The following SYTL5 variants were observed in gnomAD, a reference collection of about 807,000 sequenced individuals.
SYTL5 encodes the protein synaptotagmin like 5, also known as synaptotagmin-like protein 5.
In SYTL5, 34 loss-of-function variants were observed where a neutral mutation model predicts 55.9. That is an observed-to-expected ratio of 0.61 (90% CI 0.46 to 0.81). The LOEUF (loss-of-function observed/expected upper bound fraction) is 0.81. SYTL5 is among the 30% of genes least tolerant of loss of function. The pLI, the probability that SYTL5 is intolerant of heterozygous loss-of-function variation, is 0.00. For synonymous variants in SYTL5, 221 were observed against 188.7 expected (o/e 1.17, Z -1.40); for missense variants, 637 against 546.7 (o/e 1.17, Z -1.65).
intron 13 of SYTL5, among the ~76,000 whole-genome samples, chrX:38,113,254 T>A (rs999069524): frequency 8.9e-6 from 1 of 112,428 alleles, no homozygotes; most frequent in Admixed American, 9.4e-5. Flanking sequence ...CAGTATGAAT[T>A]GCCTTTCATG....
chrX:38,008,646 C>A (rs1211807938), intron 1 of SYTL5, among the ~76,000 whole-genome samples: 2 of 110,455 alleles, frequency 1.8e-5, no homozygotes, highest in African/African-American at 6.5e-5. Context: ...TTAACAAAAA[C>A]ATTTCTCTAA....
intron 2 of SYTL5, among the ~76,000 whole-genome samples, chrX:38,038,912 C>G (rs2208109): frequency 0.3 from 32,933 of 111,042 alleles, 6,861 homozygotes; most frequent in African/African-American, 0.74. Context: ...ATGTAGAAGA[C>G]GGAGAAAGCG....
chrX:38,103,912 A>T (rs926115070), intron 10 of SYTL5, among the ~76,000 whole-genome samples: 1 of 111,952 alleles, frequency 8.9e-6, no homozygotes, highest in African/African-American at 3.2e-5. Context: ...AGCCATTTGT[A>T]AAAAAATGCT....
At chrX:37,975,126 C>T in the SYTL5 span, among the ~76,000 whole-genome samples, 22 of 112,322 alleles carry the variant, frequency 2.0e-4, no homozygotes, top group African/African-American at 7.1e-4. Context: ...TAGCAGGTTT[C>T]CGCTTTGGCC....
chrX:37,915,145 CGT>C, the SYTL5 span, among the ~76,000 whole-genome samples: 1 of 111,327 alleles, frequency 9.0e-6, no homozygotes, highest in East Asian at 2.8e-4. Flanking sequence ...CTCCTTGTTT[CGT>C]GTGTGTGTGT....
the SYTL5 span, among the ~76,000 whole-genome samples, chrX:37,921,689 G>A: frequency 2.7e-5 from 3 of 111,633 alleles, no homozygotes; most frequent in East Asian, 5.6e-4. Flanking sequence ...TACTAAATAA[G>A]TATTAACTAC....
intron 6 of SYTL5, among the ~76,000 whole-genome samples, chrX:38,084,449 G>T (rs1936620137): frequency 8.9e-6 from 1 of 112,078 alleles, no homozygotes; most frequent in Non-Finnish European, 1.9e-5. Flanking sequence ...AGTTCTAAAA[G>T]CCCGGACTTG....
Position 38,040,459 on chromosome X carries a change from C to G in SYTL5, c.119+6451C>G, listed in dbSNP as rs773993297. On this transcript the variant is annotated intron_variant, in intron 2 of 16. Coordinates refer to ENST00000297875, the MANE Select transcript of SYTL5 (RefSeq NM_138780.3). ...TTTTTTTAACTCATTAACCATCCCC[C>G]CCCCGACCCGAGCCCCACACTACCC... Among the ~76,000 whole-genome samples the G allele has an allele frequency of 3.7e-5, 4 of 107,678 alleles. No homozygotes were observed. In the East Asian group the frequency reaches 1.2e-3, roughly 32 times the overall value. 93.5% of individuals were successfully genotyped at this position (107,678 alleles called of 115,157 possible).
At chrX:37,941,827 C>G in the SYTL5 span, among the ~76,000 whole-genome samples, 2 of 112,123 alleles carry the variant, frequency 1.8e-5, no homozygotes, top group East Asian at 5.6e-4. Flanking sequence ...GTGTTCTTTT[C>G]ATAGAATAAT....
chrX:38,085,459 T>C (rs773756967), intron 6 of SYTL5, among the ~76,000 whole-genome samples: 50 of 112,140 alleles, frequency 4.5e-4, no homozygotes, highest in African/African-American at 1.5e-3. Context: ...GACTAGAAGA[T>C]TGAGCTACAT....
At chrX:38,053,969 A>T (rs1935695055) in intron 2 of SYTL5, among the ~76,000 whole-genome samples, 1 of 111,904 alleles carries the variant, frequency 8.9e-6, no homozygotes, top group African/African-American at 3.2e-5. Flanking sequence ...TTTGGTTCTA[A>T]CTCCTTGATT....
intron 6 of SYTL5, among the ~76,000 whole-genome samples, chrX:38,085,908 C>A (rs1431086449): frequency 1.8e-5 from 2 of 110,895 alleles, no homozygotes; most frequent in Non-Finnish European, 3.8e-5. Context: ...GATTTTGGAG[C>A]AACATGGTGC....
At chrX:37,991,955 G>A in the SYTL5 span, among the ~76,000 whole-genome samples, 1 of 112,182 alleles carries the variant, frequency 8.9e-6, no homozygotes, top group African/African-American at 3.2e-5. Flanking sequence ...TAAATCAAAA[G>A]AATATATAAA....
the SYTL5 span, among the ~76,000 whole-genome samples, chrX:37,915,325 G>T: frequency 1.8e-5 from 2 of 111,812 alleles, no homozygotes; most frequent in African/African-American, 6.5e-5. Context: ...TTTGGGCCAG[G>T]ATTTGTAATC....
At chrX:37,932,782 G>A in the SYTL5 span, among the ~76,000 whole-genome samples, 1 of 112,313 alleles carries the variant, frequency 8.9e-6, no homozygotes, top group African/African-American at 3.2e-5. Flanking sequence ...GTATGAGCTA[G>A]AAAAGATGGG....
the SYTL5 span, among the ~76,000 whole-genome samples, chrX:37,973,136 A>G: frequency 9.5e-6 from 1 of 104,785 alleles, no homozygotes; most frequent in African/African-American, 3.3e-5. Context: ...TGGCAAGGAA[A>G]TATATTTTGG....
chrX:38,026,855 T>G (rs899585211), intron 1 of SYTL5, among the ~76,000 whole-genome samples: 1 of 112,045 alleles, frequency 8.9e-6, no homozygotes, highest in Admixed American at 9.5e-5. Context: ...TACTTAACCC[T>G]CTGGGAATGC....
the SYTL5 span, among the ~76,000 whole-genome samples, chrX:37,903,287 C>T: frequency 9.3e-6 from 1 of 107,068 alleles, no homozygotes; most frequent in African/African-American, 3.4e-5. Context: ...ATAGCAAAGA[C>T]TTGGAACCAA....
At chrX:37,927,629 T>C in the SYTL5 span, among the ~76,000 whole-genome samples, 2 of 109,253 alleles carry the variant, frequency 1.8e-5, no homozygotes, top group Admixed American at 2.0e-4. Context: ...CAAAAAAAAA[T>C]TAGCTGGGTG....
Sources: allele counts gnomAD v4.1 joint callset (sites outside exome capture counted in the v4.1 genomes callset), GRCh38; gene constraint gnomAD v4.1.1; transcripts MANE v1.5; gene names NCBI Gene and HGNC (gene_info 2026-07-23, HGNC 2026-07-21).